Variants in TSPAN9 observed in about 807,000 individuals in gnomAD.
TSPAN9 encodes the protein tetraspanin 9.
TSPAN9 carries 16 observed loss-of-function variants against 31.0 expected under a neutral mutation model. The ratio of observed to expected loss-of-function variants is 0.52; its 90% CI spans 0.35 to 0.78. TSPAN9 has a LOEUF of 0.78. TSPAN9 is among the 30% of genes least tolerant of loss of function. TSPAN9 has a pLI of 0.01. For synonymous variants in TSPAN9, 145 were observed against 121.6 expected (o/e 1.19, Z -1.27); for missense variants, 272 against 312.5 (o/e 0.87, Z 0.98).
chr12:3,092,008 G>C (rs74769574), intron 2 of TSPAN9, among the ~76,000 whole-genome samples: 2 of 152,318 alleles, frequency 1.3e-5, no homozygotes, highest in African/African-American at 4.8e-5. Flanking sequence ...TCAGTGCTCA[G>C]TGTTGACAAA....
chr12:3,095,782 G>A (rs1216112001), intron 2 of TSPAN9, among the ~76,000 whole-genome samples: 1 of 149,868 alleles, frequency 6.7e-6, no homozygotes, highest in Admixed American at 6.6e-5. Context: ...TGTGATGGCG[G>A]CTGGGAAGAG....
chr12:3,109,299 T>TGTGTGTGTGTGTGTGTGTGTGTGAGAGA (rs1274383200), intron 2 of TSPAN9, among the ~76,000 whole-genome samples: 1 of 118,304 alleles, frequency 8.5e-6, no homozygotes, highest in African/African-American at 4.6e-5. Context: ...TGTGTGTGTG[T>TGTGTGTGTGTGTGTGTGTGTGTGAGAGA]GAGAGAGAGT....
chr12:3,105,781 C>CGCACACGG (rs71057900), intron 2 of TSPAN9, among the ~76,000 whole-genome samples: 2 of 149,182 alleles, frequency 1.3e-5, no homozygotes, highest in South Asian at 4.2e-4. Context: ...CGCACACACG[C>CGCACACGG]TCATACACAC....
intron 2 of TSPAN9, among the ~76,000 whole-genome samples, chr12:3,184,622 T>C (rs1021786720): frequency 6.6e-6 from 1 of 152,162 alleles, no homozygotes; most frequent in African/African-American, 2.4e-5. Context: ...TTCCTTCCTC[T>C]TTCCCTGGTG....
intron 2 of TSPAN9, among the ~76,000 whole-genome samples, chr12:3,155,500 G>A (rs1261820585): frequency 1.3e-5 from 2 of 152,098 alleles, no homozygotes; most frequent in Admixed American, 1.3e-4. Context: ...TTGAGAGGCC[G>A]AGGCGGGAGG....
chr12:3,094,815 G>A (rs895128269), intron 2 of TSPAN9, among the ~76,000 whole-genome samples: 3 of 147,196 alleles, frequency 2.0e-5, no homozygotes, highest in Admixed American at 6.7e-5. Context: ...GATTACAGGC[G>A]TGAGCCAACA....
intron 1 of TSPAN9, among the ~76,000 whole-genome samples, chr12:3,078,329 C>T (rs1341101560): frequency 6.6e-6 from 1 of 152,162 alleles, no homozygotes; most frequent in Non-Finnish European, 1.5e-5. Context: ...TGCAGCTGTC[C>T]TTTTCCCTGG....
At chr12:3,111,604 C>A (rs1476681817) in intron 2 of TSPAN9, among the ~76,000 whole-genome samples, 1 of 149,612 alleles carries the variant, frequency 6.7e-6, no homozygotes, top group Non-Finnish European at 1.5e-5. Context: ...ACGTGCATTA[C>A]CTTTTTTTTT....
chr12:3,201,355 C>T (rs2098371677), intron 3 of TSPAN9, 99 bp downstream of exon 3: 1 of 1,210,042 alleles, frequency 8.3e-7, no homozygotes, highest in Admixed American at 1.7e-5. Context: ...CATTGCTCTG[C>T]TCTCTGCACA....
intron 2 of TSPAN9, among the ~76,000 whole-genome samples, chr12:3,111,307 C>T (rs1235871415): frequency 6.6e-5 from 10 of 152,204 alleles, no homozygotes; most frequent in African/African-American, 2.2e-4. Context: ...CCTCCTTTGA[C>T]ATTTTTGGTT....
intron 3 of TSPAN9, 98 bp from the exon 4 acceptor site, chr12:3,278,323 C>T: frequency 6.7e-7 from 1 of 1,501,312 alleles, no homozygotes; most frequent in Non-Finnish European, 9.0e-7. Flanking sequence ...CTCACTTTGT[C>T]TGTGTCTCAG....
intron 2 of TSPAN9, chr12:3,200,476 A>T (rs1035635390): frequency 2.6e-5 from 4 of 152,396 alleles, no homozygotes; most frequent in African/African-American, 9.6e-5. Context: ...AGCGCCGGCC[A>T]AGTGGTGGGG....
At chr12:3,282,606 C>T (rs1180377984) in intron 8 of TSPAN9, among the ~76,000 whole-genome samples, 2 of 152,158 alleles carry the variant, frequency 1.3e-5, no homozygotes, top group Non-Finnish European at 2.9e-5. Context: ...CCCTCTATTG[C>T]CCAGGCCGAT....
intron 2 of TSPAN9, among the ~76,000 whole-genome samples, chr12:3,089,741 ACT>A (rs1430704468): frequency 2.0e-5 from 3 of 151,304 alleles, no homozygotes; most frequent in East Asian, 2.0e-4. Flanking sequence ...CAAGATCCTG[ACT>A]CTACAAAAAA....
intron 2 of TSPAN9, among the ~76,000 whole-genome samples, chr12:3,181,599 A>G (rs12311352): frequency 0.31 from 47,771 of 151,850 alleles, 8,008 homozygotes; most frequent in African/African-American, 0.42. Context: ...GTAACACCTA[A>G]TGAGCTCATT....
chr12:3,282,500 C>T (rs1862915251), intron 8 of TSPAN9, among the ~76,000 whole-genome samples: 1 of 152,210 alleles, frequency 6.6e-6, no homozygotes, highest in African/African-American at 2.4e-5. Context: ...CTCAAGCCAT[C>T]GTCCCACTTC....
chr12:3,225,642 T>G (rs919999196), intron 3 of TSPAN9, among the ~76,000 whole-genome samples: 7 of 152,082 alleles, frequency 4.6e-5, no homozygotes, highest in African/African-American at 1.4e-4. Flanking sequence ...TCATGCTTGG[T>G]TCCGGAGCTT....
intron 2 of TSPAN9, among the ~76,000 whole-genome samples, chr12:3,111,605 C>CTTT (rs59487749): frequency 4.4e-5 from 6 of 136,126 alleles, no homozygotes; most frequent in African/African-American, 8.1e-5. Context: ...CGTGCATTAC[C>CTTT]TTTTTTTTTT....
At chr12:3,267,038 G>A (rs1049757450) in intron 3 of TSPAN9, among the ~76,000 whole-genome samples, 1 of 152,206 alleles carries the variant, frequency 6.6e-6, no homozygotes, top group Non-Finnish European at 1.5e-5. Context: ...GACCTGCCAT[G>A]GGTGGAGCCG....
Sources: gnomAD v4.1 joint callset for allele counts (sites outside exome capture counted in the v4.1 genomes callset) on GRCh38, gnomAD v4.1.1 for gene constraint, MANE v1.5 for transcripts, NCBI Gene and HGNC (gene_info 2026-07-23, HGNC 2026-07-21) for gene names.